The following SACS variants were observed in gnomAD, a reference collection of about 807,000 sequenced individuals.
SACS encodes the protein sacsin molecular chaperone, also known as sacsin.
In SACS, 197 loss-of-function variants were observed where a neutral mutation model predicts 348.0. That is an observed-to-expected ratio of 0.57 (90% CI 0.50 to 0.64). The LOEUF (loss-of-function observed/expected upper bound fraction) is 0.64, where lower values mean the gene tolerates loss of function less well. Ranked by LOEUF, SACS falls within the 30% of genes least tolerant of loss-of-function variation. SACS has a pLI of 0.00. For missense variants in SACS, 4,999 were observed against 5,360.8 expected, an observed-to-expected ratio of 0.93 and a Z score of 2.11; for synonymous variants, 1,985 against 1,910.6, an observed-to-expected ratio of 1.04 and a Z score of -1.02.
intron 9 of SACS, among the ~76,000 whole-genome samples, chr13:23,344,673 G>C (rs2137661646): frequency 6.6e-6 from 1 of 152,326 alleles, no homozygotes; most frequent in South Asian, 2.1e-4. Flanking sequence ...TTTTGTAGCA[G>C]TTTAATAAAT....
In SACS at chr13:23,333,093, G is replaced by A. The variant is rs1278678472; in HGVS notation, c.10783C>T (p.Leu3595Phe). Residue 3595 changes from leucine to phenylalanine, a missense_variant, in exon 10 of 10, where the codon CTT becomes TTT. Around this residue, in one of 6 missense-constraint regions of SACS, gnomAD observed 831 missense variants for 941.8 expected, o/e 0.88. Transcript: ENST00000382292. ...AACTGTAACAACTGCTGCTGAGAAA[G>A]TATGTATTTTAGTCCAATATTTCTT... ...FLRNIGLKYI[L>F]SQQQLLQFAK... 1.2e-6 allele frequency: 2 copies of A among 1,613,734 alleles called. No homozygotes were observed. The highest frequency in any genetic ancestry group is 2.2e-5 in the East Asian group (1 of 44,870).
In SACS at chr13:23,416,039, G is replaced by T. The variant is rs7336181; in HGVS notation, c.-501-4299C>A. 5.4e-3 allele frequency among the ~76,000 whole-genome samples: 821 copies of T among 151,906 alleles called. 10 individuals carry two copies. Among genetic ancestry groups the T allele is most frequent in the African/African-American group, 0.019 (786 of 41,468 alleles). ...TCACGTCTGTAATCCTAGCACTCTG[G>T]GGGGCTGAGGCTGTTAGGTCACCTG... On this transcript the variant is annotated intron_variant, in intron 1 of 9. Coordinates refer to ENST00000382292, the MANE Select transcript of SACS (RefSeq NM_014363.6).
chr13:23,424,563 T>C (rs1333961630), intron 1 of SACS, among the ~76,000 whole-genome samples: 1 of 151,988 alleles, frequency 6.6e-6, no homozygotes, highest in Non-Finnish European at 1.5e-5. Flanking sequence ...CAGAGACTAT[T>C]GTACCTACAT....
At position 23,411,502 on chromosome 13, in the gene SACS, G is replaced by A; in HGVS notation, c.-263C>T. On this transcript the variant is annotated 5_prime_UTR_variant, in exon 2 of 10. Coordinates refer to ENST00000382292, the MANE Select transcript of SACS (RefSeq NM_014363.6). ...CCTGCTGATCCAGCGACCCATGGAAGTTCTCAGGATAAAACAGTGTGGATT... is the reference window on the plus strand; with the variant it reads ...CCTGCTGATCCAGCGACCCATGGAAATTCTCAGGATAAAACAGTGTGGATT... The A allele has an allele frequency of 1.9e-6, 1 of 527,822 alleles. No homozygotes were observed. Among genetic ancestry groups the A allele is most frequent in the Non-Finnish European group, 3.3e-6 (1 of 299,262 alleles). 32.7% of individuals were successfully genotyped at this position (527,822 alleles called of 1,614,324 possible). A position where few individuals can be genotyped will look rare whatever the true frequency, so the allele number is the denominator to read the frequency against.
intron 2 of SACS, among the ~76,000 whole-genome samples, chr13:23,381,710 A>T (rs994250007): frequency 2.0e-5 from 3 of 152,200 alleles, no homozygotes; most frequent in African/African-American, 7.2e-5. Flanking sequence ...AACAAATGGG[A>T]ACTATTTGTT....
chr13:23,378,316 G>A (rs1188636621), intron 2 of SACS, among the ~76,000 whole-genome samples: 2 of 152,114 alleles, frequency 1.3e-5, no homozygotes, highest in Non-Finnish European at 2.9e-5. Context: ...AATGCGAGAG[G>A]ACTTAGCATT....
intron 2 of SACS, among the ~76,000 whole-genome samples, chr13:23,379,536 A>G (rs956216445): frequency 2.6e-5 from 4 of 152,086 alleles, no homozygotes; most frequent in African/African-American, 9.7e-5. Context: ...GGGATTCTTG[A>G]GCGCCTCAAA....
intron 4 of SACS, among the ~76,000 whole-genome samples, 192 bp downstream of exon 4, chr13:23,370,886 A>G (rs1871344552): frequency 6.6e-6 from 1 of 152,098 alleles, no homozygotes; most frequent in East Asian, 1.9e-4. Flanking sequence ...TCACTTGAAC[A>G]GAGGCTGAGA....
chr13:23,369,204 A>G (rs1359641517), intron 4 of SACS, among the ~76,000 whole-genome samples: 3 of 152,190 alleles, frequency 2.0e-5, no homozygotes, highest in Admixed American at 2.0e-4. Context: ...CATTCTTAAT[A>G]TTCTCAAATT....
At chr13:23,430,516 T>C (rs1033217312) in intron 1 of SACS, among the ~76,000 whole-genome samples, 32 of 152,166 alleles carry the variant, frequency 2.1e-4, no homozygotes, top group African/African-American at 7.5e-4. Flanking sequence ...CCTATCAGGG[T>C]TTTTAAATGG....
rs771732310 is a variant in SACS, at chr13:23,336,692, C to A, written c.7184G>T (p.Cys2395Phe). The A allele has an allele frequency of 2.5e-6, 4 of 1,613,780 alleles. No homozygotes were observed. The highest frequency in any genetic ancestry group is 1.1e-5 in the South Asian group (1 of 91,076). ...LFETVGVRQS[C>F]TVEDFALVLE... Reference sequence around the variant, plus strand: ...AACAAGAGCAAAATCTTCAACAGTGCATGACTGCCTCACACCCACGGTTTC... The same window carrying A: ...AACAAGAGCAAAATCTTCAACAGTGAATGACTGCCTCACACCCACGGTTTC... Residue 2395 changes from cysteine (C) to phenylalanine (F), a missense_variant, in exon 10 of 10, where the codon TGC (cysteine) becomes TTC (phenylalanine). Cys to Phe is a radical substitution (Grantham distance 205). This residue lies in a region of SACS where 3,156 missense variants were observed against 3,380.1 expected (regional missense o/e 0.93). Transcript: ENST00000382292.
intron 4 of SACS, among the ~76,000 whole-genome samples, chr13:23,370,399 C>T (rs1259086633): frequency 1.3e-5 from 2 of 152,142 alleles, no homozygotes; most frequent in Non-Finnish European, 2.9e-5. Flanking sequence ...ATAAACTTAT[C>T]CATCATCTCC....
At position 23,337,483 on chromosome 13, in the gene SACS, GA is replaced by G; in HGVS notation, c.6392del (p.Phe2131SerfsTer15). The G allele has an allele frequency of 6.2e-7, 1 of 1,613,794 alleles. No homozygotes were observed. The highest frequency in any genetic ancestry group is 8.5e-7 in the Non-Finnish European group (1 of 1,179,880). ...AKLFDIKDGRFPYGSTQDYLN... is the reference protein window; with the variant it reads ...AKLFDIKDGRXPYGSTQDYLN... ...GATAATCCTGAGTAGAACCATAAGG[GA>G]ATCTCCCATCTTTAATATCAAATAA... On this transcript the variant is annotated frameshift_variant, in exon 10 of 10. Transcript: ENST00000382292. LOFTEE classifies it high-confidence loss of function.
chr13:23,334,538 T>C lies in SACS; in HGVS notation c.9338A>G (p.His3113Arg), dbSNP rs768906950. ...MTFSSPDTNC[H>R]IGKLPCRLQQ... Reference sequence around the variant, plus strand: ...CAGACGACAAGGCAGCTTCCCAATATGGCAATTAGTGTCAGGAGAGGAAAA... The same window carrying C: ...CAGACGACAAGGCAGCTTCCCAATACGGCAATTAGTGTCAGGAGAGGAAAA... Residue 3113 changes from histidine (H) to arginine (R), a missense_variant, in exon 10 of 10, where the codon CAT becomes CGT. Around this residue, in one of 6 missense-constraint regions of SACS, gnomAD observed 734 missense variants for 694.0 expected, o/e 1.06. Transcript: ENST00000382292. The C allele has an allele frequency of 1.9e-6, 3 of 1,613,524 alleles. No individual in the cohort carries two copies. Among genetic ancestry groups the C allele is most frequent in the Non-Finnish European group, 2.5e-6 (3 of 1,179,712 alleles).
chr13:23,355,891 T>G lies in SACS; in HGVS notation c.721A>C (p.Ser241Arg), dbSNP rs757940855. ...GGTGCAAACTGGTCTGAAAGTTCAC[T>G]AATTTCTTTGCTGTCATCTTTGAGA... is the stretch of plus-strand genomic sequence containing the variant. The part of the protein sequence containing the change: ...WNLKDDSKEI[S>R]ELSDQFAPFV... Residue 241 changes from serine to arginine, a missense_variant, in exon 8 of 10, where the codon AGT (serine) becomes CGT (arginine). Coordinates refer to ENST00000382292, the MANE Select transcript of SACS (RefSeq NM_014363.6). 1.2e-6 allele frequency: 2 copies of G among 1,614,224 alleles called. No individual in the cohort carries two copies. The highest frequency in any genetic ancestry group is 1.1e-5 in the South Asian group (1 of 91,082).
At chr13:23,351,701 T>C (rs9550958) in intron 9 of SACS, among the ~76,000 whole-genome samples, 70,872 of 152,072 alleles carry the variant, frequency 0.47, 18,401 homozygotes, top group Non-Finnish European at 0.57. Flanking sequence ...ATGAGGGTTA[T>C]TAAATAATCA....
chr13:23,416,479 C>T (rs368243600), intron 1 of SACS, among the ~76,000 whole-genome samples: 50 of 152,078 alleles, frequency 3.3e-4, no homozygotes, highest in African/African-American at 1.2e-3. Flanking sequence ...AAAAGTCAAC[C>T]GGGCACCGTG....
chr13:23,396,960 G>A (rs1872732973), intron 2 of SACS, among the ~76,000 whole-genome samples: 1 of 151,976 alleles, frequency 6.6e-6, no homozygotes, highest in South Asian at 2.1e-4. Flanking sequence ...ACATAATTTT[G>A]GCTTCTTATT....
At chr13:23,425,501 G>A (rs1874133090) in intron 1 of SACS, among the ~76,000 whole-genome samples, 1 of 152,166 alleles carries the variant, frequency 6.6e-6, no homozygotes. Flanking sequence ...TTTGGGGCCT[G>A]ATGTCGTGCT....
Sources: allele counts gnomAD v4.1 joint callset (sites outside exome capture counted in the v4.1 genomes callset), GRCh38; gene constraint gnomAD v4.1.1; regional missense constraint gnomAD v4.1.1; transcripts MANE v1.5; gene names NCBI Gene and HGNC (gene_info 2026-07-23, HGNC 2026-07-21).